The following SHOC1 variants were observed in gnomAD, a reference collection of about 807,000 sequenced individuals.
SHOC1 encodes protein shortage in chiasmata 1 ortholog.
In SHOC1, 136 loss-of-function variants were observed where a neutral mutation model predicts 179.2. The observed-to-expected ratio is 0.76, with a 90% CI of 0.66 to 0.87. The LOEUF is 0.87. Ranked by LOEUF, SHOC1 falls within the 40% of genes least tolerant of loss-of-function variation. The pLI is 0.00. For synonymous variants in SHOC1, 489 were observed against 586.6 expected, an observed-to-expected ratio of 0.83 and a Z score of 2.41; for missense variants, 1,538 against 1,700.8, an observed-to-expected ratio of 0.90 and a Z score of 1.68.
intron 17 of SHOC1, among the ~76,000 whole-genome samples, chr9:111,713,869 T>C (rs1015469905): frequency 1.3e-5 from 2 of 152,196 alleles, no homozygotes; most frequent in Non-Finnish European, 2.9e-5. Flanking sequence ...TTTGGTGGAA[T>C]CATATGAGAT....
At chr9:111,731,581 A>G (rs547614217) in intron 12 of SHOC1, among the ~76,000 whole-genome samples, 12 of 152,306 alleles carry the variant, frequency 7.9e-5, no homozygotes, top group East Asian at 3.9e-4. Flanking sequence ...GGCAGGGTCT[A>G]TGGCACCCCA....
At chr9:111,691,425 C>T in intron 27 of SHOC1, 126 bp downstream of exon 27, 10 of 796,218 alleles carry the variant, frequency 1.3e-5, no homozygotes, top group African/African-American at 3.5e-5. Flanking sequence ...TCTCTTTTAC[C>T]CAACAGTTAT....
At chr9:111,743,672 T>C (rs1048086600) in intron 10 of SHOC1, among the ~76,000 whole-genome samples, 12 of 152,348 alleles carry the variant, frequency 7.9e-5, no homozygotes, top group African/African-American at 2.9e-4. Flanking sequence ...TAGTTATTGC[T>C]GTTAATGTCT....
At chr9:111,707,014 T>G (rs375418549) in intron 19 of SHOC1, among the ~76,000 whole-genome samples, 21 of 152,216 alleles carry the variant, frequency 1.4e-4, no homozygotes, top group African/African-American at 5.1e-4. Context: ...CCTGATTTTA[T>G]TACCTGAGTA....
At chr9:111,766,615 G>T (rs527574234) in intron 5 of SHOC1, among the ~76,000 whole-genome samples, 15 of 151,498 alleles carry the variant, frequency 9.9e-5, no homozygotes, top group East Asian at 3.9e-4. Flanking sequence ...TTTGTTTTTG[G>T]TTTTTTTGTT....
At chr9:111,707,718 C>T in intron 19 of SHOC1, 137 bp downstream of exon 19, 1 of 613,628 alleles carries the variant, frequency 1.6e-6, no homozygotes, top group South Asian at 2.0e-5. Context: ...CTATGTAAAG[C>T]ATTTTTCAGG....
chr9:111,688,729 T>C (rs910466894), intron 27 of SHOC1, among the ~76,000 whole-genome samples: 1 of 152,118 alleles, frequency 6.6e-6, no homozygotes, highest in East Asian at 1.9e-4. Flanking sequence ...AAAATTAAAA[T>C]ACCATATTTA....
rs73541237 is a variant in SHOC1, at chr9:111,686,527, G to C, written c.*243C>G. The C allele has an allele frequency of 2.3e-4, 79 of 345,462 alleles. 1 individual carries two copies. The East Asian group carries it at 5.1e-3, about 22-fold the overall frequency. The allele number at this position is 345,462 out of a possible 1,614,324, so 21.4% of individuals were successfully genotyped here. A position where few individuals can be genotyped will look rare whatever the true frequency, so the allele number is the denominator to read the frequency against. ...TCATTTAAATGGCCTGTGTGCAGGGGTGTCTGGAAGACATTTTGGATCTTA... is the reference window on the plus strand; with the variant it reads ...TCATTTAAATGGCCTGTGTGCAGGGCTGTCTGGAAGACATTTTGGATCTTA... On this transcript the variant is annotated 3_prime_UTR_variant, in exon 28 of 28. Transcript: ENST00000682961.
At chr9:111,717,343 C>T (rs1024683618) in intron 16 of SHOC1, among the ~76,000 whole-genome samples, 1 of 152,170 alleles carries the variant, frequency 6.6e-6, no homozygotes, top group South Asian at 2.1e-4. Context: ...CTTGTAATCT[C>T]AGCCCTTTGG....
At chr9:111,762,118 A>T (rs10116298) in intron 5 of SHOC1, among the ~76,000 whole-genome samples, 3,025 of 152,242 alleles carry the variant, frequency 0.02, 94 homozygotes, top group African/African-American at 0.069. Flanking sequence ...ACATAAGATT[A>T]AAAACTGCAG....
At chr9:111,712,601 A>C (rs1395191539) in intron 18 of SHOC1, among the ~76,000 whole-genome samples, 1 of 152,192 alleles carries the variant, frequency 6.6e-6, no homozygotes, top group Non-Finnish European at 1.5e-5. Context: ...GAAAGGGTTG[A>C]CAGAAGGGGC....
intron 8 of SHOC1, among the ~76,000 whole-genome samples, chr9:111,748,702 T>A (rs1834403211): frequency 6.8e-6 from 1 of 148,060 alleles, no homozygotes; most frequent in South Asian, 2.3e-4. Flanking sequence ...TCCAGCTGCC[T>A]GACACATTTT....
intron 2 of SHOC1, among the ~76,000 whole-genome samples, chr9:111,786,826 TCA>T (rs987855536): frequency 1.3e-5 from 2 of 152,210 alleles, no homozygotes; most frequent in African/African-American, 4.8e-5. Context: ...ACGAGGACTT[TCA>T]TAGCTAGAAA....
At chr9:111,744,727 A>G (rs2131513180) in intron 10 of SHOC1, among the ~76,000 whole-genome samples, 1 of 152,366 alleles carries the variant, frequency 6.6e-6, no homozygotes, top group East Asian at 1.9e-4. Flanking sequence ...CTAGGTTTAC[A>G]GTAGACTAAT....
chr9:111,731,075 C>T (rs1040114586), intron 12 of SHOC1, among the ~76,000 whole-genome samples: 6 of 152,192 alleles, frequency 3.9e-5, no homozygotes, highest in Admixed American at 3.3e-4. Flanking sequence ...TTACCTTTCT[C>T]AGCCTTCATA....
chr9:111,769,991 T>TTTTTTTTTTTTTTTTTTTTTTTTTTTG (rs1835527802), intron 5 of SHOC1, among the ~76,000 whole-genome samples: 1 of 142,928 alleles, frequency 7.0e-6, no homozygotes, highest in Non-Finnish European at 1.5e-5. Context: ...TTTTTGTTTT[T>TTTTTTTTTTTTTTTTTTTTTTTTTTTG]TTTTTTTTTT....
intron 13 of SHOC1, among the ~76,000 whole-genome samples, chr9:111,725,976 T>A (rs976371040): frequency 2.0e-5 from 3 of 152,138 alleles, no homozygotes; most frequent in African/African-American, 7.2e-5. Flanking sequence ...AATTTTGGGG[T>A]GGATTCCTTT....
rs76414207 is a variant in SHOC1, at chr9:111,721,868, C to A, written c.2131+541G>T. The stretch of plus-strand genomic sequence containing the variant: ...CCACAGCCTGCCAATTCTTTCAAGG[C>A]AGTTAGCTAGGGTAATGGTAGGGCT... On this transcript the variant is annotated intron_variant, in intron 15 of 27. Coordinates refer to ENST00000682961, the MANE Select transcript of SHOC1 (RefSeq NM_001378211.1). Among the ~76,000 whole-genome samples, 870 of 152,298 alleles carry A rather than the reference C, an allele frequency of 5.7e-3. 11 individuals are homozygous for A. In the East Asian group the frequency reaches 0.066, roughly 12 times the overall value.
intron 12 of SHOC1, among the ~76,000 whole-genome samples, chr9:111,734,741 T>C (rs1233655621): frequency 6.6e-6 from 1 of 152,208 alleles, no homozygotes; most frequent in African/African-American, 2.4e-5. Context: ...TTGTCTATCA[T>C]ATATTTATCC....
Sources: allele counts gnomAD v4.1 joint callset (sites outside exome capture counted in the v4.1 genomes callset), GRCh38; gene constraint gnomAD v4.1.1; transcripts MANE v1.5; gene names NCBI Gene and HGNC (gene_info 2026-07-23, HGNC 2026-07-21).